The following TNFSF11 variants were observed in gnomAD, a reference collection of about 807,000 sequenced individuals.
TNFSF11 encodes tumor necrosis factor ligand superfamily member 11.
In TNFSF11, 12 loss-of-function variants were observed where a neutral mutation model predicts 32.2. That is an observed-to-expected ratio of 0.37 (90% CI 0.24 to 0.60). The LOEUF (loss-of-function observed/expected upper bound fraction) is 0.60. TNFSF11 is among the 20% of genes least tolerant of loss of function. The pLI is 0.66. For synonymous variants in TNFSF11, 172 were observed against 152.1 expected (o/e 1.13, Z -0.96); for missense variants, 345 against 398.0 (o/e 0.87, Z 1.13).
At chr13:42,586,649 ACT>A (rs1873915428) in intron 2 of TNFSF11, among the ~76,000 whole-genome samples, 1 of 152,000 alleles carries the variant, frequency 6.6e-6, no homozygotes. Flanking sequence ...ATTTTATAAA[ACT>A]CTCTAACTTC....
At chr13:42,568,687 G>C (rs1190616935) in intron 2 of TNFSF11, among the ~76,000 whole-genome samples, 3 of 152,138 alleles carry the variant, frequency 2.0e-5, no homozygotes, top group Admixed American at 6.5e-5. Flanking sequence ...GGAACAGACA[G>C]AAAAAGAAGA....
chr13:42,604,977 G>A (rs904005366), intron 4 of TNFSF11, among the ~76,000 whole-genome samples: 1 of 152,092 alleles, frequency 6.6e-6, no homozygotes, highest in African/African-American at 2.4e-5. Context: ...TAGAGATGGG[G>A]TTTCACCATG....
intron 2 of TNFSF11, among the ~76,000 whole-genome samples, chr13:42,581,729 C>T (rs1427901870): frequency 6.6e-6 from 1 of 152,142 alleles, no homozygotes; most frequent in East Asian, 1.9e-4. Flanking sequence ...TGATCCAGGG[C>T]TCTGATGAGA....
chr13:42,574,226 C>T lies in TNFSF11; in HGVS notation c.-78C>T. On this transcript the variant is annotated 5_prime_UTR_variant, in exon 1 of 5. Transcript: ENST00000398795. The stretch of plus-strand genomic sequence containing the variant: ...GCCCCACGTCGAGGCTCCGCCGCAG[C>T]CTCCGGAGTTGGCCGCAGACAAGAA... 2 of 1,519,826 alleles carry T rather than the reference C, an allele frequency of 1.3e-6. No individual in the cohort carries two copies. Among genetic ancestry groups the T allele is most frequent in the Middle Eastern group, 2.3e-4 (1 of 4,306 alleles). 94.1% of individuals were successfully genotyped at this position (1,519,826 alleles called of 1,614,324 possible).
At position 42,574,408 on chromosome 13, in the gene TNFSF11, G is replaced by T; in HGVS notation, c.105G>T (p.Pro35=). 1 of 1,566,916 alleles carries T rather than the reference G, an allele frequency of 6.4e-7. No individual in the cohort carries two copies. Among genetic ancestry groups the T allele is most frequent in the Non-Finnish European group, 8.6e-7 (1 of 1,158,494 alleles). Residue 35 remains proline, a synonymous_variant, in exon 1 of 5, where the codon CCG becomes CCT. Transcript: ENST00000398795. ...AGGGCCCCCTGCACGCCCCGCCGCC[G>T]CCTGCGCCGCACCAGCCCCCTGCCG... The part of the protein sequence containing the change: ...PHEGPLHAPP[P]PAPHQPPAAS...
Position 42,606,554 on chromosome 13 carries a change from C to A in TNFSF11, c.590C>A (p.Ser197Tyr). The A allele has an allele frequency of 6.2e-7, 1 of 1,614,194 alleles. No homozygotes were observed. The highest frequency in any genetic ancestry group is 8.5e-7 in the Non-Finnish European group (1 of 1,180,038). The change falls in exon 5 of 5, where the codon TCC (serine) becomes TAC (tyrosine). Residue 197 changes from serine (S) to tyrosine (Y), a missense_variant. Coordinates refer to ENST00000398795, the MANE Select transcript of TNFSF11 (RefSeq NM_003701.4). Reference sequence around the variant, plus strand: ...CATGATCGGGGTTGGGCCAAGATCTCCAACATGACTTTTAGCAATGGAAAA... The same window carrying A: ...CATGATCGGGGTTGGGCCAAGATCTACAACATGACTTTTAGCAATGGAAAA... ...WYHDRGWAKI[S>Y]NMTFSNGKLI...
chr13:42,569,232 A>C (rs924980587), upstream of TNFSF11, among the ~76,000 whole-genome samples: 1 of 152,164 alleles, frequency 6.6e-6, no homozygotes, highest in Non-Finnish European at 1.5e-5. Flanking sequence ...GGCCCAATGT[A>C]ATCACAAGGG....
chr13:42,604,806 CAG>C (rs1869362660), intron 4 of TNFSF11, among the ~76,000 whole-genome samples: 1 of 152,034 alleles, frequency 6.6e-6, no homozygotes, highest in Admixed American at 6.5e-5. Flanking sequence ...TTTTTTGAGA[CAG>C]AGTCTTGCTC....
intron 2 of TNFSF11, among the ~76,000 whole-genome samples, chr13:42,582,415 A>T (rs898157059): frequency 2.6e-5 from 4 of 152,224 alleles, no homozygotes; most frequent in African/African-American, 4.8e-5. Flanking sequence ...GCTGTATTTT[A>T]TCGAATCTAA....
At chr13:42,564,578 A>G (rs1182473612) in intron 1 of TNFSF11, among the ~76,000 whole-genome samples, 1 of 152,316 alleles carries the variant, frequency 6.6e-6, no homozygotes, top group East Asian at 1.9e-4. Flanking sequence ...AAAAAAAAAA[A>G]AAAATTCTTG....
intron 2 of TNFSF11, among the ~76,000 whole-genome samples, chr13:42,582,503 T>G (rs968062857): frequency 6.6e-6 from 1 of 152,224 alleles, no homozygotes; most frequent in African/African-American, 2.4e-5. Flanking sequence ...AAATTAAACA[T>G]GATCATCATA....
At chr13:42,600,851 G>A in intron 3 of TNFSF11, 32 bp from the exon 4 acceptor site, 1 of 1,613,984 alleles carries the variant, frequency 6.2e-7, no homozygotes. Flanking sequence ...CTACTATTTT[G>A]GCTATAATAA....
chr13:42,575,968 C>G (rs1011236951), intron 1 of TNFSF11, among the ~76,000 whole-genome samples: 4 of 152,166 alleles, frequency 2.6e-5, no homozygotes, highest in African/African-American at 9.7e-5. Flanking sequence ...TGCGTGGCAC[C>G]GTCACCTGCG....
chr13:42,585,669 G>A (rs1299868994), intron 2 of TNFSF11, among the ~76,000 whole-genome samples: 2 of 152,200 alleles, frequency 1.3e-5, no homozygotes, highest in African/African-American at 4.8e-5. Flanking sequence ...GGGGGGTGAG[G>A]AAGGAGTGAA....
In TNFSF11 at chr13:42,574,183, G is replaced by T; in HGVS notation, c.-121G>T. The T allele has an allele frequency of 7.2e-7, 1 of 1,385,702 alleles. No homozygotes were observed. The highest frequency in any genetic ancestry group is 9.9e-7 in the Non-Finnish European group (1 of 1,007,346). The allele number at this position is 1,385,702 out of a possible 1,614,324, so 85.8% of individuals were successfully genotyped here. A position where few individuals can be genotyped will look rare whatever the true frequency, so the allele number is the denominator to read the frequency against. On this transcript the variant is annotated 5_prime_UTR_variant, in exon 1 of 5. Coordinates refer to ENST00000398795, the MANE Select transcript of TNFSF11 (RefSeq NM_003701.4). ...TCGCCCGCGCGCCCCAGGACCCAAA[G>T]CCGGGCTCCAAGTCGGCGCCCCACG...
At chr13:42,573,973 C>T (rs1054872593), upstream of TNFSF11, among the ~76,000 whole-genome samples, 11 of 152,130 alleles carry the variant, frequency 7.2e-5, no homozygotes, top group African/African-American at 1.9e-4. Context: ...CAGCCTCCTC[C>T]TTGGAGGGCC....
In TNFSF11 at chr13:42,599,493, CAG is replaced by C. The variant is rs1167173936; in HGVS notation, c.388-1258_388-1257del. Among the ~76,000 whole-genome samples, 5 of 152,064 alleles carry C rather than the reference CAG, an allele frequency of 3.3e-5. No individual in the cohort carries two copies. The East Asian group carries it at 9.6e-4, about 29-fold the overall frequency. On this transcript the variant is annotated intron_variant, in intron 2 of 4. Coordinates refer to ENST00000398795, the MANE Select transcript of TNFSF11 (RefSeq NM_003701.4). The stretch of plus-strand genomic sequence containing the variant: ...TTAGCATGAATAGTTATTCCAGTAA[CAG>C]GGGAAATTAGGAATCTCTCCAGAGT...
chr13:42,569,547 C>CAAA (rs71298952), upstream of TNFSF11, among the ~76,000 whole-genome samples: 60 of 134,194 alleles, frequency 4.5e-4, no homozygotes, highest in Middle Eastern at 0.012. Flanking sequence ...CACTCTGTCT[C>CAAA]AAAAAAAAAA....
chr13:42,605,397 C>G (rs559864787), intron 4 of TNFSF11, among the ~76,000 whole-genome samples: 1 of 152,180 alleles, frequency 6.6e-6, no homozygotes, highest in Non-Finnish European at 1.5e-5. Context: ...TTTGTACTTT[C>G]CACAGTATTA....
Sources: gnomAD v4.1 joint callset for allele counts (sites outside exome capture counted in the v4.1 genomes callset) on GRCh38, gnomAD v4.1.1 for gene constraint, MANE v1.5 for transcripts, NCBI Gene and HGNC (gene_info 2026-07-23, HGNC 2026-07-21) for gene names.